Variants in RIMBP2 observed in about 807,000 individuals in gnomAD.
RIMBP2 encodes RIMS-binding protein 2.
In RIMBP2, 48 loss-of-function variants were observed where a neutral mutation model predicts 118.6. The observed-to-expected ratio is 0.40, with a 90% CI of 0.32 to 0.51. The LOEUF is 0.51. RIMBP2 is among the 20% of genes least tolerant of loss of function. The pLI, the probability that RIMBP2 is intolerant of heterozygous loss-of-function variation, is 0.41. For synonymous variants in RIMBP2, 762 were observed against 742.9 expected (o/e 1.03, Z -0.42); for missense variants, 1,551 against 1,768.3 (o/e 0.88, Z 2.20).
intron 7 of RIMBP2, among the ~76,000 whole-genome samples, chr12:130,453,744 C>T (rs2079190626): frequency 6.6e-6 from 1 of 152,148 alleles, no homozygotes; most frequent in Non-Finnish European, 1.5e-5. Flanking sequence ...TACACATAAA[C>T]GTGAATGCAG....
chr12:130,613,617 C>G (rs1042294947), intron 2 of RIMBP2, among the ~76,000 whole-genome samples: 1 of 152,102 alleles, frequency 6.6e-6, no homozygotes, highest in African/African-American at 2.4e-5. Flanking sequence ...AGATGAAGAT[C>G]ATCCTGGCCA....
At chr12:130,653,176 T>C (rs2063296737) in intron 1 of RIMBP2, among the ~76,000 whole-genome samples, 1 of 152,210 alleles carries the variant, frequency 6.6e-6, no homozygotes, top group African/African-American at 2.4e-5. Flanking sequence ...AGTCCCAAGC[T>C]CTAAGTCTCA....
At chr12:130,585,060 A>T (rs983533410) in intron 2 of RIMBP2, among the ~76,000 whole-genome samples, 4 of 151,862 alleles carry the variant, frequency 2.6e-5, no homozygotes, top group Admixed American at 6.6e-5. Flanking sequence ...ATTTTTTTTT[A>T]AATTGTCTTT....
intron 2 of RIMBP2, among the ~76,000 whole-genome samples, chr12:130,627,126 C>T (rs2061690719): frequency 6.6e-6 from 1 of 152,186 alleles, no homozygotes; most frequent in African/African-American, 2.4e-5. Context: ...GCATCATCAA[C>T]ATCTCCTCCA....
intron 22 of RIMBP2, among the ~76,000 whole-genome samples, chr12:130,399,368 G>A (rs546426607): frequency 1.3e-5 from 2 of 152,286 alleles, no homozygotes; most frequent in South Asian, 4.1e-4. Flanking sequence ...CACCAAATCT[G>A]AAGAGGAGCC....
chr12:130,588,032 T>A (rs534451187), intron 2 of RIMBP2, among the ~76,000 whole-genome samples: 6 of 152,040 alleles, frequency 3.9e-5, no homozygotes, highest in African/African-American at 1.4e-4. Context: ...TCCCTCAGCA[T>A]CTCAATCCCG....
At position 130,675,770 on chromosome 12, in the gene RIMBP2, T is replaced by TTTATTATTAACA. The variant is rs1487815908; in HGVS notation, c.-352+40451_-352+40452insTGTTAATAATAA. 3.4e-4 allele frequency among the ~76,000 whole-genome samples: 52 copies of TTTATTATTAACA among 152,328 alleles called. 2 individuals are homozygous for TTTATTATTAACA. Among genetic ancestry groups the TTTATTATTAACA allele is most frequent in the African/African-American group, 1.2e-3 (51 of 41,580 alleles). On this transcript the variant is annotated intron_variant, in intron 1 of 22. Transcript: ENST00000690449. ...ACAGCCAGTGTATTAAACAGCTGGG[T>TTTATTATTAACA]GGTTTCTTATGAAACTGCTGTGCTT...
At chr12:130,468,196 A>G (rs7974307) in intron 6 of RIMBP2, among the ~76,000 whole-genome samples, 151,696 of 152,338 alleles carry the variant, frequency 1, 75,540 homozygotes, top group Middle Eastern at 1. Context: ...AGGTTCCCAA[A>G]GTGCTCACCC....
chr12:130,652,788 AC>A (rs2063282206), intron 1 of RIMBP2, among the ~76,000 whole-genome samples: 2 of 152,230 alleles, frequency 1.3e-5, no homozygotes, highest in South Asian at 4.1e-4. Flanking sequence ...CACAGAACTT[AC>A]AATTATGGTG....
At chr12:130,697,380 G>A (rs11061094) in intron 1 of RIMBP2, among the ~76,000 whole-genome samples, 1 of 152,112 alleles carries the variant, frequency 6.6e-6, no homozygotes, top group African/African-American at 2.4e-5. Context: ...CAAAATAGCC[G>A]GGTATGGTGG....
At position 130,424,545 on chromosome 12, in the gene RIMBP2, A is replaced by C; in HGVS notation, c.2726T>G (p.Phe909Cys). 3.2e-6 allele frequency: 4 copies of C among 1,231,946 alleles called. No homozygotes were observed. The highest frequency in any genetic ancestry group is 4.0e-6 in the Non-Finnish European group (4 of 987,826). The allele number at this position is 1,231,946 out of a possible 1,614,324, so 76.3% of individuals were successfully genotyped here. The change falls in exon 16 of 23, where the codon TTC becomes TGC. Residue 909 changes from phenylalanine (F) to cysteine (C), a missense_variant. Phe to Cys is a radical substitution (Grantham distance 205, BLOSUM62 -2). Around this residue, in one of 5 missense-constraint regions of RIMBP2, gnomAD observed 1,038 missense variants for 1,125.1 expected, o/e 0.92. Transcript: ENST00000690449. This position sits in a 1 kb window ranked among gnomAD's most constrained non-coding sequence, Gnocchi z 9.8. ...CGGGCTCCGGGTGGCCGAGCGGCTG[A>C]ACCGACAGCCCCTGTCTTCCAGAAG... is the stretch of plus-strand genomic sequence containing the variant. ...DFLLEDRGCR[F>C]SRSATRSPDS...
intron 2 of RIMBP2, among the ~76,000 whole-genome samples, chr12:130,601,832 G>A (rs951034290): frequency 1.3e-5 from 2 of 152,212 alleles, no homozygotes; most frequent in Non-Finnish European, 2.9e-5. Context: ...TAATTGAGCA[G>A]CTACTATATA....
chr12:130,543,801 T>C (rs2054832846), intron 2 of RIMBP2, among the ~76,000 whole-genome samples: 1 of 152,164 alleles, frequency 6.6e-6, no homozygotes, highest in Non-Finnish European at 1.5e-5. Flanking sequence ...TTTCAGGCAC[T>C]GCTGCATCTT....
At chr12:130,648,903 G>A (rs12316211) in intron 1 of RIMBP2, among the ~76,000 whole-genome samples, 23,723 of 145,182 alleles carry the variant, frequency 0.16, 4,446 homozygotes, top group African/African-American at 0.26. Flanking sequence ...TGATCTGCCC[G>A]CCTCGGCCTC....
At chr12:130,657,427 C>A (rs1377084789) in intron 1 of RIMBP2, among the ~76,000 whole-genome samples, 1 of 152,212 alleles carries the variant, frequency 6.6e-6, no homozygotes, top group Admixed American at 6.5e-5. Flanking sequence ...AGGCTCCCAG[C>A]CGGAAGCAGG....
rs1173146426 is a variant in RIMBP2 at position 130,687,858 on chromosome 12, G to A, written c.-352+28364C>T. Reference sequence around the variant, plus strand: ...TGAACATAGAGTGTGCTTTGGGCACGTGCCTCAGGAAATGAGCTTGCAGCA... The same window carrying A: ...TGAACATAGAGTGTGCTTTGGGCACATGCCTCAGGAAATGAGCTTGCAGCA... On this transcript the variant is annotated intron_variant, in intron 1 of 22. Transcript: ENST00000690449. Among the ~76,000 whole-genome samples, 4 of 152,116 alleles carry A rather than the reference G, an allele frequency of 2.6e-5. No individual in the cohort carries two copies. The South Asian group carries it at 6.2e-4, about 24-fold the overall frequency.
In RIMBP2 at chr12:130,620,194, CAAGACCG is replaced by C. The variant is rs368988330; in HGVS notation, c.-217+8121_-217+8127del. Among the ~76,000 whole-genome samples, 6 of 152,302 alleles carry C rather than the reference CAAGACCG, an allele frequency of 3.9e-5. No individual in the cohort carries two copies. The highest frequency in any genetic ancestry group is 1.4e-4 in the African/African-American group (6 of 41,580). ...ACCCTCTCCAGCCAAGGGATGGGCA[CAAGACCG>C]AAGTGGTGGCAGTTAAACAATCAGT... On this transcript the variant is annotated intron_variant, in intron 2 of 22. Coordinates refer to ENST00000690449, the MANE Select transcript of RIMBP2 (RefSeq NM_001393629.1). The surrounding 1 kb of genome is among the most constrained non-coding windows in gnomAD (Gnocchi z 5.3).
chr12:130,633,237 T>G (rs2062115204), intron 1 of RIMBP2, among the ~76,000 whole-genome samples: 1 of 152,232 alleles, frequency 6.6e-6, no homozygotes, highest in Non-Finnish European at 1.5e-5. Flanking sequence ...TTCAACTTTG[T>G]CTCATCATTT....
At chr12:130,700,809 T>A (rs891813615) in intron 1 of RIMBP2, among the ~76,000 whole-genome samples, 1 of 152,194 alleles carries the variant, frequency 6.6e-6, no homozygotes, top group African/African-American at 2.4e-5. Flanking sequence ...TTCCAAACGT[T>A]CCATCACACA....
Sources: allele counts gnomAD v4.1 joint callset (sites outside exome capture counted in the v4.1 genomes callset), GRCh38; gene constraint gnomAD v4.1.1; regional missense constraint gnomAD v4.1.1; non-coding constraint Gnocchi (gnomAD v3.1); transcripts MANE v1.5; gene names NCBI Gene and HGNC (gene_info 2026-07-23, HGNC 2026-07-21).